IQCK: variants seen among roughly 807,000 people sequenced by gnomAD.
IQCK encodes the protein IQ motif containing K.
IQCK carries 29 observed loss-of-function variants against 28.1 expected under a neutral mutation model. That is an observed-to-expected ratio of 1.03 (90% CI 0.77 to 1.41). The LOEUF (loss-of-function observed/expected upper bound fraction) is 1.41, where lower values mean the gene tolerates loss of function less well. Among genes scored for constraint, IQCK ranks in the 40% most tolerant of loss-of-function variants. The probability of loss-of-function intolerance (pLI) is 0.00; values close to 1 mark genes in which losing one functional copy is unlikely to be tolerated. For missense variants in IQCK, 359 were observed against 314.7 expected, an observed-to-expected ratio of 1.14 and a Z score of -1.07; for synonymous variants, 113 against 115.1, an observed-to-expected ratio of 0.98 and a Z score of 0.12.
chr16:19,783,362 A>G (rs2055517731), intron 6 of IQCK, among the ~76,000 whole-genome samples: 1 of 152,140 alleles, frequency 6.6e-6, no homozygotes, highest in Non-Finnish European at 1.5e-5. Flanking sequence ...GACATGACAA[A>G]TGAGTATTAC....
intron 4 of IQCK, among the ~76,000 whole-genome samples, chr16:19,746,018 A>C (rs767883308): frequency 5.3e-5 from 8 of 152,108 alleles, no homozygotes; most frequent in Non-Finnish European, 1.2e-4. Context: ...AAATACTAAG[A>C]ATTAGCTAGG....
At chr16:19,748,301 C>T (rs2054940770) in intron 4 of IQCK, among the ~76,000 whole-genome samples, 1 of 152,016 alleles carries the variant, frequency 6.6e-6, no homozygotes, top group African/African-American at 2.4e-5. Flanking sequence ...TCTGAAACTT[C>T]TGACTTTAGG....
chr16:19,821,812 A>G (rs1054388614), intron 7 of IQCK, among the ~76,000 whole-genome samples: 1 of 152,046 alleles, frequency 6.6e-6, no homozygotes, highest in African/African-American at 2.4e-5. Context: ...GGTGACTCAC[A>G]CCTGTAATCC....
chr16:19,833,688 C>G (rs2056260669), intron 9 of IQCK, among the ~76,000 whole-genome samples: 1 of 152,108 alleles, frequency 6.6e-6, no homozygotes, highest in South Asian at 2.1e-4. Context: ...AAGTTCTTTT[C>G]CCTAATTTTA....
At chr16:19,764,289 C>T in intron 6 of IQCK, 177 bp downstream of exon 6, 1 of 500,032 alleles carries the variant, frequency 2.0e-6, no homozygotes, top group Non-Finnish European at 3.6e-6. Context: ...CCTAATCAGG[C>T]CAGTAATTTC....
intron 9 of IQCK, among the ~76,000 whole-genome samples, chr16:19,840,484 C>G (rs2056352479): frequency 6.6e-6 from 1 of 151,994 alleles, no homozygotes. Flanking sequence ...GCCTTTTTTT[C>G]TAAAACAGAA....
rs551884273 is a variant in IQCK, at chr16:19,724,907, A to G, written c.182-5523A>G. ...CAAATAGCAGAAAGCCCAACTCATA[A>G]TGGCCTAAACAAAGATGGTTAATTA... On this transcript the variant is annotated intron_variant, in intron 1 of 7. Coordinates refer to ENST00000564186, the Ensembl canonical transcript of IQCK. 4.6e-5 allele frequency among the ~76,000 whole-genome samples: 7 copies of G among 152,258 alleles called. No homozygotes were observed. In the East Asian group the frequency reaches 1.2e-3, roughly 25 times the overall value.
chr16:19,780,677 G>A (rs890633402), intron 6 of IQCK, among the ~76,000 whole-genome samples: 13 of 152,146 alleles, frequency 8.5e-5, no homozygotes, highest in South Asian at 2.1e-4. Context: ...AACCTCAGTA[G>A]TTTCCATAGT....
At chr16:19,773,675 C>T (rs558349863) in intron 6 of IQCK, among the ~76,000 whole-genome samples, 2 of 152,172 alleles carry the variant, frequency 1.3e-5, no homozygotes, top group East Asian at 3.9e-4. Flanking sequence ...GTTCCAATAA[C>T]ACTTTATTCA....
chr16:19,783,204 G>A (rs1025626332), intron 6 of IQCK, among the ~76,000 whole-genome samples: 2 of 151,948 alleles, frequency 1.3e-5, no homozygotes, highest in African/African-American at 4.8e-5. Flanking sequence ...TCACCATATT[G>A]GCCAGGCTGG....
rs59816251 is a variant in IQCK at position 19,798,421 on chromosome 16, AAT to A, written c.690+9522_690+9523del. On this transcript the variant is annotated intron_variant, in intron 7 of 7. Coordinates refer to ENST00000564186, the Ensembl canonical transcript of IQCK. ...GACAGAGCCAGAGTCCATCACAAAA[AAT>A]ATATATATATATATATATATATTTC... Among the ~76,000 whole-genome samples, 91 of 115,324 alleles carry A rather than the reference AAT, an allele frequency of 7.9e-4. 2 individuals carry two copies. The highest frequency in any genetic ancestry group is 7.3e-4 in the Non-Finnish European group (48 of 65,440). 75.7% of individuals were successfully genotyped at this position (115,324 alleles called of 152,430 possible).
At chr16:19,834,144 T>C (rs1374595932) in intron 9 of IQCK, among the ~76,000 whole-genome samples, 1 of 152,152 alleles carries the variant, frequency 6.6e-6, no homozygotes, top group Non-Finnish European at 1.5e-5. Context: ...CTAGCCCATG[T>C]AATTGGGTGC....
chr16:19,765,303 C>G (rs1307278750), intron 6 of IQCK, among the ~76,000 whole-genome samples: 6 of 150,944 alleles, frequency 4.0e-5, no homozygotes, highest in African/African-American at 1.5e-4. Context: ...TTTGGGAGGC[C>G]GAGGTGGGCA....
intron 7 of IQCK, among the ~76,000 whole-genome samples, chr16:19,806,852 A>T (rs2055840959): frequency 1.3e-5 from 2 of 152,158 alleles, no homozygotes; most frequent in African/African-American, 2.4e-5. Flanking sequence ...TCTGACTGAT[A>T]AGAAATGATG....
At chr16:19,748,286 GCCA>G (rs1465002899) in intron 4 of IQCK, among the ~76,000 whole-genome samples, 2 of 151,836 alleles carry the variant, frequency 1.3e-5, no homozygotes, top group Non-Finnish European at 2.9e-5. Flanking sequence ...TGTTGGCCAG[GCCA>G]GTCTGAAACT....
chr16:19,750,963 G>C (rs762936181), intron 4 of IQCK, among the ~76,000 whole-genome samples: 13 of 152,142 alleles, frequency 8.5e-5, no homozygotes, highest in Non-Finnish European at 1.5e-4. Context: ...GAAATGTGGA[G>C]GGCTGTGGCA....
In IQCK at chr16:19,825,139, C is replaced by T. The variant is rs139011702; in HGVS notation, c.691-1887C>T. 7.3e-3 allele frequency among the ~76,000 whole-genome samples: 1,109 copies of T among 152,250 alleles called. 44 individuals carry two copies. The highest frequency in any genetic ancestry group is 0.061 in the Admixed American group (935 of 15,288). ...AATTCCAGCTCCACCATATCCAGTA[C>T]GACTTGGCAAGCCACTAAAACTCAG... On this transcript the variant is annotated intron_variant, in intron 7 of 7. Coordinates refer to ENST00000564186, the Ensembl canonical transcript of IQCK. This position sits in a 1 kb window ranked among gnomAD's most constrained non-coding sequence, Gnocchi z 4.2.
At chr16:19,839,836 T>A (rs1304122186) in intron 9 of IQCK, among the ~76,000 whole-genome samples, 1 of 151,082 alleles carries the variant, frequency 6.6e-6, no homozygotes, top group Admixed American at 6.6e-5. Context: ...ACTAAAAAAA[T>A]AAAAAATAAA....
chr16:19,719,257 G>A (rs956353277), intron 1 of IQCK, among the ~76,000 whole-genome samples: 12 of 152,126 alleles, frequency 7.9e-5, no homozygotes, highest in Non-Finnish European at 1.5e-5. Context: ...TTTACAGAAG[G>A]AGCTACGTAA....
Sources: gnomAD v4.1 joint callset for allele counts (sites outside exome capture counted in the v4.1 genomes callset) on GRCh38, gnomAD v4.1.1 for gene constraint, Gnocchi (gnomAD v3.1) non-coding constraint, MANE v1.5 for transcripts, NCBI Gene and HGNC (gene_info 2026-07-23, HGNC 2026-07-21) for gene names.